CYP4Z1: variants seen among roughly 807,000 people sequenced by gnomAD.
CYP4Z1 encodes cytochrome P450 4Z1.
In CYP4Z1, 41 loss-of-function variants were observed where a neutral mutation model predicts 54.2. That is an observed-to-expected ratio of 0.76 (90% CI 0.59 to 0.98). The LOEUF (loss-of-function observed/expected upper bound fraction) is 0.98, where lower values mean the gene tolerates loss of function less well. Ranked by LOEUF, CYP4Z1 falls within the 50% of genes least tolerant of loss-of-function variation. The probability of loss-of-function intolerance (pLI) is 0.00; values close to 1 mark genes in which losing one functional copy is unlikely to be tolerated. For missense variants in CYP4Z1, 513 were observed against 599.0 expected (o/e 0.86, Z 1.50); for synonymous variants, 163 against 206.2 (o/e 0.79, Z 1.79).
Position 47,086,677 on chromosome 1 carries a change from T to C in CYP4Z1, c.772+1699T>C, listed in dbSNP as rs1272731118. Among the ~76,000 whole-genome samples the C allele has an allele frequency of 5.3e-5, 8 of 152,358 alleles. No homozygotes were observed. The East Asian group carries it at 1.5e-3, about 29-fold the overall frequency. The stretch of plus-strand genomic sequence containing the variant: ...ACTCTGATGGTAGTTTCTTTTGCTG[T>C]GCAGAAGCTCTTTAGTTTAATAAGA... On this transcript the variant is annotated intron_variant, in intron 6 of 11. Transcript: ENST00000334194.
intron 2 of CYP4Z1, among the ~76,000 whole-genome samples, chr1:47,073,154 T>G (rs969627497): frequency 7.8e-6 from 1 of 128,986 alleles, no homozygotes; most frequent in African/African-American, 3.0e-5. Context: ...TCTATGAATT[T>G]ACTTATTCTG....
At chr1:47,087,729 A>G (rs1163334025) in intron 6 of CYP4Z1, among the ~76,000 whole-genome samples, 1 of 152,172 alleles carries the variant, frequency 6.6e-6, no homozygotes, top group Non-Finnish European at 1.5e-5. Context: ...TTCCAACACT[A>G]CATTGAATAG....
rs540812045 is a variant in CYP4Z1, at chr1:47,080,070, C to G, written c.320-553C>G. Among the ~76,000 whole-genome samples, 50 of 149,734 alleles carry G rather than the reference C, an allele frequency of 3.3e-4. No homozygotes were observed. In the East Asian group the frequency reaches 0.01, roughly 30 times the overall value. On this transcript the variant is annotated intron_variant, in intron 2 of 11. Transcript: ENST00000334194. ...CCATTTTTATTTCCCTGTCTTTATC[C>G]CACATAAAGATGTTGATGGAATGAA... is the stretch of plus-strand genomic sequence containing the variant.
intron 2 of CYP4Z1, among the ~76,000 whole-genome samples, chr1:47,076,844 C>CAAAAAAAAAAAAAAA (rs59854360): frequency 1.5e-4 from 12 of 81,402 alleles, no homozygotes; most frequent in Non-Finnish European, 2.4e-4. Context: ...GACGCTGTCT[C>CAAAAAAAAAAAAAAA]AAAAAAAAAA....
chr1:47,079,352 C>T (rs1204730054), intron 2 of CYP4Z1, among the ~76,000 whole-genome samples: 1 of 152,030 alleles, frequency 6.6e-6, no homozygotes, highest in African/African-American at 2.4e-5. Context: ...TAACTGTCTT[C>T]CAGAAATCTG....
chr1:47,105,744 T>TCC (rs1200815880), intron 8 of CYP4Z1, among the ~76,000 whole-genome samples: 5 of 152,166 alleles, frequency 3.3e-5, no homozygotes, highest in Non-Finnish European at 5.9e-5. Flanking sequence ...TAGAGCCACA[T>TCC]CCCTATTTTA....
At chr1:47,113,629 C>T (rs1398910509) in intron 9 of CYP4Z1, among the ~76,000 whole-genome samples, 1 of 152,186 alleles carries the variant, frequency 6.6e-6, no homozygotes, top group Non-Finnish European at 1.5e-5. Flanking sequence ...TTGAGGATCA[C>T]AAGCATTCTT....
At chr1:47,112,113 G>A (rs1644796112) in intron 9 of CYP4Z1, among the ~76,000 whole-genome samples, 1 of 152,032 alleles carries the variant, frequency 6.6e-6, no homozygotes, top group African/African-American at 2.4e-5. Context: ...ATTAACAAAG[G>A]CGAAAGCAAA....
chr1:47,099,568 C>T (rs964410792), intron 8 of CYP4Z1, among the ~76,000 whole-genome samples: 1 of 152,100 alleles, frequency 6.6e-6, no homozygotes, highest in African/African-American at 2.4e-5. Flanking sequence ...TTTTTTATGT[C>T]ACGGAAGGCA....
At position 47,096,186 on chromosome 1, in the gene CYP4Z1, G is replaced by A. The variant is rs575456499; in HGVS notation, c.876+1517G>A. Among the ~76,000 whole-genome samples, 27 of 152,318 alleles carry A rather than the reference G, an allele frequency of 1.8e-4. No individual in the cohort carries two copies. The East Asian group carries it at 3.3e-3, about 19-fold the overall frequency. ...GTAATCCAGCGACTCAGAAGACAGA[G>A]GCAGGAGGATCACTTAAGGCCAGGA... On this transcript the variant is annotated intron_variant, in intron 7 of 11. Transcript: ENST00000334194.
chr1:47,092,756 T>C (rs1396302410), intron 6 of CYP4Z1, among the ~76,000 whole-genome samples: 1 of 151,532 alleles, frequency 6.6e-6, no homozygotes, highest in Non-Finnish European at 1.5e-5. Context: ...GCCTGATTTT[T>C]AGCTGCTGTG....
chr1:47,089,539 C>T (rs2742094), intron 6 of CYP4Z1, among the ~76,000 whole-genome samples: 1 of 135,644 alleles, frequency 7.4e-6, no homozygotes, highest in Non-Finnish European at 1.5e-5. Context: ...ACCTAATGGA[C>T]GCAAACCAAT....
At chr1:47,056,797 T>C in the CYP4Z1 span, among the ~76,000 whole-genome samples, 1 of 152,220 alleles carries the variant, frequency 6.6e-6, no homozygotes, top group African/African-American at 2.4e-5. Flanking sequence ...CATCCCTTTA[T>C]TTTGAGCCTA....
At chr1:47,094,490 T>G in intron 6 of CYP4Z1, 76 bp from the exon 7 acceptor site, 1 of 1,035,602 alleles carries the variant, frequency 9.7e-7, no homozygotes, top group Non-Finnish European at 1.4e-6. Flanking sequence ...AGCACCAGCT[T>G]CTCAGAACTA....
upstream of CYP4Z1, among the ~76,000 whole-genome samples, chr1:47,064,711 T>G (rs555959638): frequency 6.6e-6 from 1 of 152,158 alleles, no homozygotes; most frequent in African/African-American, 2.4e-5. Flanking sequence ...ATACTAATAT[T>G]GAGTGTAAAT....
rs1644844998 is a variant in CYP4Z1, at chr1:47,118,197, T to G, written c.*263T>G. 1 of 330,244 alleles carries G rather than the reference T, an allele frequency of 3.0e-6. No homozygotes were observed. 20.5% of individuals were successfully genotyped at this position (330,244 alleles called of 1,614,324 possible). ...TTGGTTTGTGTAACTAGTGGTAGAG[T>G]GGCTTTCAAGCATAGTTTGATCAAA... is the stretch of plus-strand genomic sequence containing the variant. On this transcript the variant is annotated 3_prime_UTR_variant, in exon 12 of 12. Transcript: ENST00000334194.
chr1:47,067,213 C>A (rs1263686496), upstream of CYP4Z1, among the ~76,000 whole-genome samples: 2 of 152,184 alleles, frequency 1.3e-5, no homozygotes, highest in African/African-American at 4.8e-5. Flanking sequence ...AAGGGGACAG[C>A]AGTGCAGCAA....
At chr1:47,099,592 C>A (rs923049122) in intron 8 of CYP4Z1, among the ~76,000 whole-genome samples, 1 of 152,068 alleles carries the variant, frequency 6.6e-6, no homozygotes, top group African/African-American at 2.4e-5. Flanking sequence ...ATATAACAAA[C>A]CCCTCTTTCT....
At chr1:47,061,712 T>C in the CYP4Z1 span, among the ~76,000 whole-genome samples, 2 of 152,170 alleles carry the variant, frequency 1.3e-5, no homozygotes, top group African/African-American at 2.4e-5. Context: ...TACCAAAACC[T>C]GGCAGAGACA....
Sources: gnomAD v4.1 joint callset for allele counts (sites outside exome capture counted in the v4.1 genomes callset) on GRCh38, gnomAD v4.1.1 for gene constraint, MANE v1.5 for transcripts, NCBI Gene and HGNC (gene_info 2026-07-23, HGNC 2026-07-21) for gene names.